Variants in IRAG2 observed in about 807,000 individuals in gnomAD.
The protein encoded by IRAG2 is inositol 1,4,5-triphosphate receptor associated 2, also known as lymphoid restricted membrane protein.
A neutral mutation model predicts 69.9 loss-of-function variants in IRAG2; 45 were observed. The observed-to-expected ratio is 0.64, with a 90% CI of 0.51 to 0.83. The LOEUF (loss-of-function observed/expected upper bound fraction) is 0.83. Ranked by LOEUF, IRAG2 falls within the 40% of genes least tolerant of loss-of-function variation. IRAG2 has a pLI of 0.00. For synonymous variants in IRAG2, 193 were observed against 202.4 expected, an observed-to-expected ratio of 0.95 and a Z score of 0.40; for missense variants, 520 against 587.0, an observed-to-expected ratio of 0.89 and a Z score of 1.18.
upstream of IRAG2, chr12:25,052,607 G>T (rs76640161): frequency 8.6e-3 from 3,416 of 397,180 alleles, 109 homozygotes; most frequent in African/African-American, 0.061. Context: ...GACTTTAACC[G>T]CTGTAGAAAT....
At chr12:25,012,955 A>G (rs1001176650) in intron 3 of IRAG2, among the ~76,000 whole-genome samples, 2 of 152,260 alleles carry the variant, frequency 1.3e-5, no homozygotes, top group African/African-American at 4.8e-5. Flanking sequence ...TCATGAAGTC[A>G]AGATAAATAT....
intron 16 of IRAG2, among the ~76,000 whole-genome samples, chr12:25,039,959 A>G (rs1347338561): frequency 6.6e-6 from 1 of 152,218 alleles, no homozygotes; most frequent in Non-Finnish European, 1.5e-5. Context: ...CCCAGCTGGG[A>G]TTAAGTGACA....
chr12:25,091,726 C>T (rs1444603801), intron 14 of IRAG2, among the ~76,000 whole-genome samples: 12 of 152,080 alleles, frequency 7.9e-5, no homozygotes, highest in Non-Finnish European at 1.5e-4. Flanking sequence ...TTGTTACCAA[C>T]GGTGCACAAA....
At chr12:25,077,374 TATATATATG>T (rs1946886149) in intron 6 of IRAG2, among the ~76,000 whole-genome samples, 4 of 61,648 alleles carry the variant, frequency 6.5e-5, no homozygotes, top group African/African-American at 2.5e-4. Context: ...ATATATGAAA[TATATATATG>T]ATATATATAT....
At chr12:25,032,916 G>A (rs1316782557) in intron 12 of IRAG2, among the ~76,000 whole-genome samples, 1 of 151,498 alleles carries the variant, frequency 6.6e-6, no homozygotes, top group Non-Finnish European at 1.5e-5. Flanking sequence ...ACTTTCCCTT[G>A]CTTGCTTTTC....
intron 6 of IRAG2, among the ~76,000 whole-genome samples, chr12:25,075,518 A>ATG (rs1280825201): frequency 1.6e-4 from 18 of 113,536 alleles, no homozygotes; most frequent in Non-Finnish European, 2.6e-4. Context: ...GTGTGTGTGT[A>ATG]TGCGTGTGTG....
At chr12:25,017,031 AC>A in intron 5 of IRAG2, 4 of 877,786 alleles carry the variant, frequency 4.6e-6, no homozygotes, top group Non-Finnish European at 6.0e-6. Context: ...AAAAAAAAAA[AC>A]TCACCAGAAT....
At chr12:25,058,522 T>C (rs982000320) in intron 1 of IRAG2, among the ~76,000 whole-genome samples, 1 of 152,240 alleles carries the variant, frequency 6.6e-6, no homozygotes, top group Non-Finnish European at 1.5e-5. Flanking sequence ...CTGATATTTT[T>C]AATATACAAT....
chr12:25,094,716 T>A lies in IRAG2; in HGVS notation c.607-2194T>A, dbSNP rs542380758. On this transcript the variant is annotated intron_variant, in intron 14 of 21. Transcript: ENST00000556887. Reference sequence around the variant, plus strand: ...CCAACCCATGAACACAGGGTGTCTTTCCATTTATTTGTGTCTTGTCTTCTT... The same window carrying A: ...CCAACCCATGAACACAGGGTGTCTTACCATTTATTTGTGTCTTGTCTTCTT... 6.3e-5 allele frequency among the ~76,000 whole-genome samples: 6 copies of A among 94,932 alleles called. No homozygotes were observed. The South Asian group carries it at 2.3e-3, about 36-fold the overall frequency. The allele number at this position is 94,932 out of a possible 152,430, so 62.3% of individuals were successfully genotyped here.
intron 9 of IRAG2, among the ~76,000 whole-genome samples, chr12:25,082,252 G>T (rs968317044): frequency 2.0e-5 from 3 of 152,060 alleles, no homozygotes; most frequent in Non-Finnish European, 4.4e-5. Context: ...ACATTTTTAC[G>T]CTTTTTGATT....
At chr12:25,000,238 G>C (rs1359157831), upstream of IRAG2, among the ~76,000 whole-genome samples, 1 of 152,194 alleles carries the variant, frequency 6.6e-6, no homozygotes. Flanking sequence ...TTTAGCTCAG[G>C]AGTTTGTGAC....
chr12:25,010,087 A>G (rs1317276675), intron 2 of IRAG2, among the ~76,000 whole-genome samples: 3 of 152,230 alleles, frequency 2.0e-5, no homozygotes, highest in Non-Finnish European at 4.4e-5. Context: ...TCTAGTTTTG[A>G]TATGACAGAG....
chr12:25,011,338 T>C, intron 2 of IRAG2: 1 of 1,231,212 alleles, frequency 8.1e-7, no homozygotes, highest in Non-Finnish European at 1.0e-6. Flanking sequence ...CTTTTCTGTC[T>C]TTCAGAACTG....
upstream of IRAG2, among the ~76,000 whole-genome samples, chr12:25,049,666 T>C (rs573508748): frequency 1.3e-5 from 2 of 152,286 alleles, no homozygotes; most frequent in East Asian, 3.9e-4. Flanking sequence ...AATTAGATAT[T>C]GTATCATACC....
chr12:24,999,078 TG>T, the IRAG2 span, among the ~76,000 whole-genome samples: 2 of 152,212 alleles, frequency 1.3e-5, no homozygotes, highest in Admixed American at 1.3e-4. Context: ...ATAATATAGA[TG>T]TTGATAAACA....
chr12:25,090,801 A>C (rs1047104747), intron 14 of IRAG2: 6 of 451,840 alleles, frequency 1.3e-5, no homozygotes, highest in African/African-American at 1.2e-4. Context: ...TTTTCTCTGG[A>C]TTTTCAAATT....
At chr12:25,105,430 ATTTAT>A (rs1565594560) in intron 20 of IRAG2, among the ~76,000 whole-genome samples, 1 of 152,008 alleles carries the variant, frequency 6.6e-6, no homozygotes, top group Non-Finnish European at 1.5e-5. Context: ...TTTTATGTTT[ATTTAT>A]TTTATTTTAT....
intron 5 of IRAG2, among the ~76,000 whole-genome samples, chr12:25,016,688 G>A (rs1012896286): frequency 2.0e-5 from 3 of 152,010 alleles, no homozygotes; most frequent in Non-Finnish European, 4.4e-5. Context: ...GCTTGAATTT[G>A]GGAGGCGGAG....
At chr12:25,007,102 G>A (rs1944439351) in intron 2 of IRAG2, among the ~76,000 whole-genome samples, 1 of 152,108 alleles carries the variant, frequency 6.6e-6, no homozygotes, top group South Asian at 2.1e-4. Context: ...CATATACAGA[G>A]GTAGAATTCT....
Sources: gnomAD v4.1 joint callset for allele counts (sites outside exome capture counted in the v4.1 genomes callset) on GRCh38, gnomAD v4.1.1 for gene constraint, MANE v1.5 for transcripts, NCBI Gene and HGNC (gene_info 2026-07-23, HGNC 2026-07-21) for gene names.